The following KRABD4 variants were observed in gnomAD, a reference collection of about 807,000 sequenced individuals.
The protein encoded by KRABD4 is KRAB domain containing 4.
the KRABD4 span, chrX:46,463,243 G>T: frequency 8.2e-7 from 1 of 1,212,218 alleles, no homozygotes; most frequent in South Asian, 1.8e-5. Context: ...TTGGGACCAG[G>T]TGAAGAGTCC....
chrX:46,453,732 T>TA, the KRABD4 span, among the ~76,000 whole-genome samples: 3 of 112,104 alleles, frequency 2.7e-5, no homozygotes, highest in African/African-American at 9.7e-5. Flanking sequence ...AAGAATACAG[T>TA]AAAAAAGTCA....
chrX:46,454,996 TACTC>T, the KRABD4 span: 1 of 302,416 alleles, frequency 3.3e-6, no homozygotes, highest in East Asian at 6.8e-5. Flanking sequence ...TTCACATAAA[TACTC>T]AGTCTTACTT....
the KRABD4 span, among the ~76,000 whole-genome samples, chrX:46,461,977 C>T: frequency 1.8e-5 from 2 of 110,987 alleles, no homozygotes; most frequent in African/African-American, 6.6e-5. Flanking sequence ...TTTTCTCCCT[C>T]CACTAAACTG....
chrX:46,464,317 C>T, the KRABD4 span, among the ~76,000 whole-genome samples: 1 of 112,119 alleles, frequency 8.9e-6, no homozygotes, highest in Non-Finnish European at 1.9e-5. Context: ...ATTGTTGGGG[C>T]ACTAAGTAGA....
chrX:46,457,623 GTTTTT>G, the KRABD4 span, among the ~76,000 whole-genome samples: 1 of 75,302 alleles, frequency 1.3e-5, no homozygotes, highest in African/African-American at 4.8e-5. Flanking sequence ...GCCTTTCAGA[GTTTTT>G]TTTTTTTTTT....
chrX:46,451,089 CCT>C, the KRABD4 span, among the ~76,000 whole-genome samples: 1 of 111,951 alleles, frequency 8.9e-6, no homozygotes, highest in Non-Finnish European at 1.9e-5. Context: ...CTTGCTCTTT[CCT>C]CTTTCTTCAC....
At chrX:46,472,704 A>G in the KRABD4 span, 7 of 1,179,771 alleles carry the variant, frequency 5.9e-6, no homozygotes, top group Non-Finnish European at 8.0e-6. Flanking sequence ...ATAACATTCT[A>G]GTGGAAAGAC....
the KRABD4 span, among the ~76,000 whole-genome samples, chrX:46,468,241 A>G: frequency 9.0e-6 from 1 of 111,525 alleles, no homozygotes; most frequent in Non-Finnish European, 1.9e-5. Flanking sequence ...TTTGACATCT[A>G]CTTTAAAATG....
chrX:46,459,707 A>G, the KRABD4 span, among the ~76,000 whole-genome samples: 2 of 111,583 alleles, frequency 1.8e-5, no homozygotes, highest in African/African-American at 3.3e-5. Flanking sequence ...ATGTTTAGCT[A>G]TGTGTTACTG....
At chrX:46,471,304 TG>T in the KRABD4 span, 2 of 775,386 alleles carry the variant, frequency 2.6e-6, no homozygotes, top group Non-Finnish European at 3.6e-6. Context: ...CTGAAATTAA[TG>T]TAATTTCTCC....
the KRABD4 span, chrX:46,454,511 A>T: frequency 1.8e-5 from 2 of 112,301 alleles, no homozygotes; most frequent in African/African-American, 3.2e-5. Context: ...TTTAAACATT[A>T]TGAGATTTTT....
At chrX:46,463,245 G>A in the KRABD4 span, 3 of 1,212,210 alleles carry the variant, frequency 2.5e-6, no homozygotes, top group South Asian at 5.3e-5. Context: ...GGGACCAGGT[G>A]AAGAGTCCTG....
the KRABD4 span, among the ~76,000 whole-genome samples, chrX:46,459,891 G>A: frequency 2.7e-5 from 3 of 111,721 alleles, no homozygotes; most frequent in Admixed American, 1.9e-4. Context: ...ACACCAGCTC[G>A]GTGTGCTGTG....
At chrX:46,471,965 A>G in the KRABD4 span, 2 of 111,621 alleles carry the variant, frequency 1.8e-5, no homozygotes, top group African/African-American at 6.5e-5. Flanking sequence ...TTTTCAACTC[A>G]TTGTGGTTCA....
chrX:46,451,472 CTATT>C, the KRABD4 span, among the ~76,000 whole-genome samples: 1 of 111,897 alleles, frequency 8.9e-6, no homozygotes, highest in Non-Finnish European at 1.9e-5. Flanking sequence ...TATCATGTAA[CTATT>C]TATTTATGGA....
chrX:46,471,070 G>A, the KRABD4 span: 1 of 1,093,952 alleles, frequency 9.1e-7, no homozygotes, highest in Non-Finnish European at 1.2e-6. Flanking sequence ...CTGTCTACTT[G>A]TTCTATCAAT....
the KRABD4 span, among the ~76,000 whole-genome samples, chrX:46,469,493 T>A: frequency 8.9e-6 from 1 of 112,278 alleles, no homozygotes; most frequent in Admixed American, 9.4e-5. Flanking sequence ...TTCATTTTCC[T>A]ATTGCTCATT....
the KRABD4 span, chrX:46,454,287 G>A: frequency 7.4e-6 from 1 of 135,476 alleles, no homozygotes; most frequent in Non-Finnish European, 1.6e-5. Flanking sequence ...CCTGGGAGAT[G>A]GAGGGGTAGT....
At chrX:46,455,648 G>A in the KRABD4 span, 4 of 375,806 alleles carry the variant, frequency 1.1e-5, no homozygotes, top group Non-Finnish European at 1.5e-5. Flanking sequence ...ATTTATCTTC[G>A]AGAATTATTA....
Sources: gnomAD v4.1 joint callset for allele counts (sites outside exome capture counted in the v4.1 genomes callset) on GRCh38, gnomAD v4.1.1 for gene constraint, MANE v1.5 for transcripts, NCBI Gene and HGNC (gene_info 2026-07-23, HGNC 2026-07-21) for gene names.